Variants in NCAPG observed in about 807,000 individuals in gnomAD.
NCAPG encodes non-SMC condensin I complex subunit G.
Under a neutral mutation model 113.1 loss-of-function variants are expected in NCAPG, and 69 were observed. The observed-to-expected ratio is 0.61, with a 90% CI of 0.50 to 0.75. The LOEUF (loss-of-function observed/expected upper bound fraction) is 0.75, where lower values mean the gene tolerates loss of function less well. NCAPG is among the 30% of genes least tolerant of loss of function. The pLI is 0.00. For synonymous variants in NCAPG, 370 were observed against 415.8 expected (o/e 0.89, Z 1.34); for missense variants, 1,058 against 1,177.0 (o/e 0.90, Z 1.48).
intron 7 of NCAPG, among the ~76,000 whole-genome samples, chr4:17,821,697 CAA>C (rs1201206359): frequency 7.9e-5 from 12 of 152,012 alleles, no homozygotes; most frequent in African/African-American, 2.7e-4. Context: ...CTCCTGATGT[CAA>C]GTGATCCTCC....
intron 13 of NCAPG, 141 bp from the exon 14 acceptor site, chr4:17,834,158 G>A (rs1375789037): frequency 2.0e-6 from 1 of 508,856 alleles, no homozygotes; most frequent in Non-Finnish European, 3.4e-6. Flanking sequence ...CTGTATTTTT[G>A]AAAAGTGATG....
chr4:17,833,122 A>C (rs547401432), intron 13 of NCAPG, among the ~76,000 whole-genome samples: 114 of 152,310 alleles, frequency 7.5e-4, no homozygotes, highest in African/African-American at 2.6e-3. Flanking sequence ...CCGTAATCCC[A>C]GCACTTTGGG....
chr4:17,842,461 G>T, intron 20 of NCAPG, 82 bp downstream of exon 20: 1 of 1,031,930 alleles, frequency 9.7e-7, no homozygotes, highest in Non-Finnish European at 1.5e-6. Context: ...ATTTTCTTGC[G>T]AATGAGAGAG....
chr4:17,828,081 G>A (rs1162534247), intron 11 of NCAPG, among the ~76,000 whole-genome samples, 197 bp from the exon 12 acceptor site: 3 of 152,088 alleles, frequency 2.0e-5, no homozygotes, highest in African/African-American at 4.8e-5. Flanking sequence ...GATTACAGGC[G>A]TGAGTCGTTG....
chr4:17,830,744 T>C (rs1721836856), intron 12 of NCAPG, among the ~76,000 whole-genome samples: 1 of 152,142 alleles, frequency 6.6e-6, no homozygotes. Flanking sequence ...TAGGGAATAG[T>C]ATATATCATG....
At chr4:17,836,682 TTTTG>T (rs1244260871) in intron 14 of NCAPG, among the ~76,000 whole-genome samples, 1 of 152,190 alleles carries the variant, frequency 6.6e-6, no homozygotes, top group Non-Finnish European at 1.5e-5. Context: ...TTCTCTAGAC[TTTTG>T]TTTACTTTTT....
chr4:17,822,042 TAAGA>T (rs1721477113), intron 7 of NCAPG, among the ~76,000 whole-genome samples: 1 of 152,086 alleles, frequency 6.6e-6, no homozygotes, highest in African/African-American at 2.4e-5. Context: ...GTAGGGTTTC[TAAGA>T]AAGAATAATA....
At position 17,842,388 on chromosome 4, in the gene NCAPG, T is replaced by C. The variant is rs1183268872; in HGVS notation, c.2924+9T>C. The C allele has an allele frequency of 1.2e-6, 2 of 1,609,934 alleles. No homozygotes were observed. Among genetic ancestry groups the C allele is most frequent in the African/African-American group, 2.7e-5 (2 of 74,790 alleles). ...GAAGCCGACTCTGAAAGGTATGTCA[T>C]GCATGTCTAGAATATATGGAGGCCT... On this transcript the variant is annotated intron_variant, in intron 20 of 20. Coordinates refer to ENST00000251496, the MANE Select transcript of NCAPG (RefSeq NM_022346.5).
At chr4:17,839,588 T>C in intron 16 of NCAPG, 88 bp from the exon 17 acceptor site, 1 of 965,086 alleles carries the variant, frequency 1.0e-6, no homozygotes, top group Non-Finnish European at 1.4e-6. Flanking sequence ...GGCAAGAAAA[T>C]TAGTTGGAAA....
At chr4:17,812,815 T>A in intron 2 of NCAPG, 102 bp from the exon 3 acceptor site, 2 of 943,910 alleles carry the variant, frequency 2.1e-6, no homozygotes. Flanking sequence ...AATGAATTGT[T>A]GTTGTAACTT....
Position 17,825,561 on chromosome 4 carries a change from G to GTGT in NCAPG, c.1653_1653+1insTGT (p.Lys551_Asn552insCys). 6.3e-7 allele frequency: 1 copy of GTGT among 1,577,314 alleles called. No homozygotes were observed. Among genetic ancestry groups the GTGT allele is most frequent in the Non-Finnish European group, 8.5e-7 (1 of 1,169,982 alleles). On this transcript the variant is annotated inframe_insertion and splice_region_variant. Transcript: ENST00000251496. The stretch of plus-strand genomic sequence containing the variant: ...AAATTAAAGAAGTCCACATAGAGAA[G>GTGT]GTACAGGTAACTTTTTTCATACTAA...
In NCAPG at chr4:17,844,409, C is replaced by T. The variant is rs1722725073; in HGVS notation, c.*984C>T. On this transcript the variant is annotated 3_prime_UTR_variant, in exon 21 of 21. Coordinates refer to ENST00000251496, the MANE Select transcript of NCAPG (RefSeq NM_022346.5). ...GTGCTTTTTTTAGGCTTATCATCTA[C>T]TAGAGGCCATTTACTTAAGGTGAAA... 6.6e-6 allele frequency: 1 copy of T among 152,334 alleles called. No individual in the cohort carries two copies. Among genetic ancestry groups the T allele is most frequent in the Admixed American group, 6.6e-5 (1 of 15,246 alleles). The allele number at this position is 152,334 out of a possible 1,614,324, so 9.4% of individuals were successfully genotyped here.
At chr4:17,841,921 C>G (rs1722449814) in intron 19 of NCAPG, 1 of 160,666 alleles carries the variant, frequency 6.2e-6, no homozygotes, top group Non-Finnish European at 1.4e-5. Context: ...GTTTATGCAC[C>G]TAACCTACCT....
intron 9 of NCAPG, 131 bp downstream of exon 9, chr4:17,823,901 TTCTTAAAACCATTA>T (rs1253341812): frequency 1.9e-5 from 13 of 689,602 alleles, no homozygotes; most frequent in Admixed American, 9.9e-5. Flanking sequence ...GTTTTAAAAT[TTCTTAAAACCATTA>T]TCTATCTCTT....
At chr4:17,819,864 T>A (rs1721379734) in intron 7 of NCAPG, among the ~76,000 whole-genome samples, 1 of 152,178 alleles carries the variant, frequency 6.6e-6, no homozygotes, top group Non-Finnish European at 1.5e-5. Flanking sequence ...AAATCTAGGA[T>A]AAGTATCTCA....
rs141142551 is a variant in NCAPG at position 17,816,474 on chromosome 4, G to A, written c.776-787G>A. Among the ~76,000 whole-genome samples the A allele has an allele frequency of 2.4e-3, 368 of 152,314 alleles. 2 individuals are homozygous for A. The highest frequency in any genetic ancestry group is 3.2e-3 in the Non-Finnish European group (216 of 68,018). ...ATTTTTTGAAGTTTTTAACTCTCAT[G>A]AGAAGGCCAAGATGGCTCTATTGCG... is the stretch of plus-strand genomic sequence containing the variant. On this transcript the variant is annotated intron_variant, in intron 5 of 20. Transcript: ENST00000251496.
chr4:17,843,608 A>AAAAAGTGT lies in NCAPG; in HGVS notation c.*184_*191dup. 1 of 528,894 alleles carries AAAAAGTGT rather than the reference A, an allele frequency of 1.9e-6. No homozygotes were observed. The allele number at this position is 528,894 out of a possible 1,614,324, so 32.8% of individuals were successfully genotyped here. A position where few individuals can be genotyped will look rare whatever the true frequency, so the allele number is the denominator to read the frequency against. On this transcript the variant is annotated 3_prime_UTR_variant, in exon 21 of 21. Coordinates refer to ENST00000251496, the MANE Select transcript of NCAPG (RefSeq NM_022346.5). ...AGCAGCATCAGTTATTATAGTCCAG[A>AAAAAGTGT]AAAAGTGTGCATCAGTCAGTCACAC...
chr4:17,835,690 G>C (rs999683839), intron 14 of NCAPG, among the ~76,000 whole-genome samples: 9 of 152,150 alleles, frequency 5.9e-5, no homozygotes, highest in African/African-American at 2.2e-4. Flanking sequence ...GGATTTAACT[G>C]TTCTGGATAT....
At chr4:17,821,323 C>G (rs1721447204) in intron 7 of NCAPG, among the ~76,000 whole-genome samples, 1 of 152,062 alleles carries the variant, frequency 6.6e-6, no homozygotes, top group African/African-American at 2.4e-5. Context: ...TGGCTGATGT[C>G]TTAAAAGTCC....
Sources: gnomAD v4.1 joint callset for allele counts (sites outside exome capture counted in the v4.1 genomes callset) on GRCh38, gnomAD v4.1.1 for gene constraint, MANE v1.5 for transcripts, NCBI Gene and HGNC (gene_info 2026-07-23, HGNC 2026-07-21) for gene names.